Variants in ZNF131 observed in about 807,000 individuals in gnomAD.
The protein encoded by ZNF131 is zinc finger and BTB domain containing 35.
ZNF131 carries 7 observed loss-of-function variants against 60.0 expected under a neutral mutation model. The observed-to-expected ratio is 0.12, with a 90% CI of 0.07 to 0.22. The LOEUF is 0.22. Among genes scored for constraint, ZNF131 ranks in the 10% least tolerant of loss-of-function variants. The pLI, the probability that ZNF131 is intolerant of heterozygous loss-of-function variation, is 1.00. For missense variants in ZNF131, 493 were observed against 740.9 expected (o/e 0.67, Z 3.88); for synonymous variants, 257 against 253.2 (o/e 1.01, Z -0.14).
chr5:43,144,911 A>G (rs1747384257), intron 4 of ZNF131, among the ~76,000 whole-genome samples: 1 of 151,790 alleles, frequency 6.6e-6, no homozygotes, highest in South Asian at 2.1e-4. Context: ...GTGAGAGCCA[A>G]CAACCTGTTC....
At chr5:43,166,554 G>A (rs931043128) in intron 5 of ZNF131, among the ~76,000 whole-genome samples, 1 of 151,908 alleles carries the variant, frequency 6.6e-6, no homozygotes, top group African/African-American at 2.4e-5. Context: ...TAGAGACAGG[G>A]TTTCACCGTG....
At position 43,174,991 on chromosome 5, in the gene ZNF131, G is replaced by A. The variant is rs758920218; in HGVS notation, c.1730G>A (p.Arg577Lys). ...VTPEIMNQEERESSQADAAEA... is the reference protein window; with the variant it reads ...VTPEIMNQEEKESSQADAAEA... ...CCAGAAATCATGAACCAAGAGGAGA[G>A]AGAGTCTAGCCAAGCAGATGCTGCT... is the stretch of plus-strand genomic sequence containing the variant. The change falls in exon 7 of 7, where the codon AGA (arginine) becomes AAA (lysine). Residue 577 changes from arginine (R) to lysine (K), a missense_variant. Physicochemically the swap from Arg to Lys is conservative, Grantham distance 26. Around this residue, in one of 7 missense-constraint regions of ZNF131, gnomAD observed 202 missense variants for 221.3 expected, o/e 0.91. Transcript: ENST00000682664. 1.2e-6 allele frequency: 2 copies of A among 1,614,132 alleles called. No individual in the cohort carries two copies. Among genetic ancestry groups the A allele is most frequent in the South Asian group, 1.1e-5 (1 of 91,082 alleles).
In ZNF131 at chr5:43,148,295, C is replaced by T. The variant is rs535768429; in HGVS notation, c.371+8986C>T. On this transcript the variant is annotated intron_variant, in intron 4 of 6. Transcript: ENST00000682664. ...TTGGGGAGCTGAGGTTTGAGGATTG[C>T]TTGAGCCCAGGAGGTTGAGGCTGCA... 4.1e-4 allele frequency among the ~76,000 whole-genome samples: 62 copies of T among 152,204 alleles called. 2 individuals are homozygous for T. The South Asian group carries it at 0.012, about 30-fold the overall frequency.
intron 3 of ZNF131, among the ~76,000 whole-genome samples, chr5:43,138,443 G>A (rs1746409025): frequency 6.6e-6 from 1 of 152,136 alleles, no homozygotes; most frequent in South Asian, 2.1e-4. Flanking sequence ...ACTTGAGGTC[G>A]GGAGTTTGAG....
intron 3 of ZNF131, among the ~76,000 whole-genome samples, chr5:43,134,693 CTTTTTTTTTTT>C (rs149464238): frequency 3.8e-4 from 34 of 88,414 alleles, no homozygotes; most frequent in East Asian, 1.6e-3. Context: ...TTCTTTTTTT[CTTTTTTTTTTT>C]TTTTTTTTTT....
At chr5:43,129,782 G>A (rs749226531) in intron 3 of ZNF131, among the ~76,000 whole-genome samples, 32 of 152,104 alleles carry the variant, frequency 2.1e-4, no homozygotes, top group African/African-American at 3.1e-4. Context: ...AGCCTCCCCA[G>A]TGGCTGGGAT....
At chr5:43,173,184 G>A (rs1254573907) in intron 5 of ZNF131, 134 bp from the exon 6 acceptor site, 36 of 962,920 alleles carry the variant, frequency 3.7e-5, no homozygotes, top group Non-Finnish European at 5.1e-5. Flanking sequence ...GAAAATATTT[G>A]AATTCTGAAT....
At chr5:43,167,935 G>A (rs1354223151) in intron 5 of ZNF131, 2 of 452,028 alleles carry the variant, frequency 4.4e-6, no homozygotes, top group Non-Finnish European at 8.9e-6. Flanking sequence ...TACAGTTCTG[G>A]ATGCTAAGAA....
intron 4 of ZNF131, among the ~76,000 whole-genome samples, chr5:43,143,888 A>ATTG (rs1235607913): frequency 2.4e-5 from 2 of 84,962 alleles, no homozygotes; most frequent in African/African-American, 9.2e-5. Flanking sequence ...TCTCTGGAAT[A>ATTG]TTGTCAGAGC....
chr5:43,148,290 G>C (rs924550524), intron 4 of ZNF131, among the ~76,000 whole-genome samples: 18 of 152,240 alleles, frequency 1.2e-4, no homozygotes, highest in African/African-American at 4.1e-4. Flanking sequence ...GAGGTTTGAG[G>C]ATTGCTTGAG....
chr5:43,149,996 A>G (rs935008604), intron 4 of ZNF131, among the ~76,000 whole-genome samples: 15 of 152,204 alleles, frequency 9.9e-5, no homozygotes, highest in Non-Finnish European at 1.6e-4. Flanking sequence ...TTGAGTCCAG[A>G]AAAGGGCTTG....
At chr5:43,136,679 G>A (rs1746160620) in intron 3 of ZNF131, among the ~76,000 whole-genome samples, 1 of 137,032 alleles carries the variant, frequency 7.3e-6, no homozygotes, top group Non-Finnish European at 1.5e-5. Context: ...TAGAGACGGA[G>A]TTTCACCATA....
rs974940037 is a variant in ZNF131 at position 43,131,358 on chromosome 5, G to C, written c.227-7807G>C. 2.0e-5 allele frequency among the ~76,000 whole-genome samples: 3 copies of C among 149,036 alleles called. No individual in the cohort carries two copies. The Admixed American group carries it at 2.0e-4, about 10-fold the overall frequency. On this transcript the variant is annotated intron_variant, in intron 3 of 6. Transcript: ENST00000682664. ...CGGCTAATTTTTTGTATTTTTAGGA[G>C]AAATGGGTTTCACCATTTTAGCCAG...
chr5:43,165,656 G>A (rs1262838595), intron 5 of ZNF131, among the ~76,000 whole-genome samples: 4 of 152,190 alleles, frequency 2.6e-5, no homozygotes, highest in African/African-American at 9.7e-5. Flanking sequence ...CTGTAGCCCA[G>A]GCAGAGTACA....
intron 4 of ZNF131, among the ~76,000 whole-genome samples, chr5:43,143,835 T>C (rs909740873): frequency 1.4e-5 from 2 of 146,906 alleles, no homozygotes; most frequent in African/African-American, 2.5e-5. Context: ...AGGTCTTTCC[T>C]GGACATGTAT....
rs1304403699 is a variant in ZNF131, at chr5:43,174,995, G to GTCTA, written c.1735_1738dup (p.Ser580IlefsTer2). On this transcript the variant is annotated frameshift_variant, in exon 7 of 7. Coordinates refer to ENST00000682664, the MANE Select transcript of ZNF131 (RefSeq NM_001330707.2). LOFTEE classifies it high-confidence loss of function. ...AAATCATGAACCAAGAGGAGAGAGA[G>GTCTA]TCTAGCCAAGCAGATGCTGCTGAGG... is the stretch of plus-strand genomic sequence containing the variant. 3.7e-6 allele frequency: 6 copies of GTCTA among 1,614,160 alleles called. No homozygotes were observed. The highest frequency in any genetic ancestry group is 5.1e-6 in the Non-Finnish European group (6 of 1,180,034).
At chr5:43,170,028 G>A (rs2112083879) in intron 5 of ZNF131, among the ~76,000 whole-genome samples, 1 of 152,160 alleles carries the variant, frequency 6.6e-6, no homozygotes, top group South Asian at 2.1e-4. Context: ...CTGACCTTGT[G>A]ATCTGCCTGC....
rs549219126 is a variant in ZNF131, at chr5:43,132,370, T to C, written c.227-6795T>C. Among the ~76,000 whole-genome samples the C allele has an allele frequency of 5.1e-4, 78 of 152,326 alleles. No homozygotes were observed. The South Asian group carries it at 0.016, about 31-fold the overall frequency. On this transcript the variant is annotated intron_variant, in intron 3 of 6. Transcript: ENST00000682664. ...GTCTTTTTATATTTTATGGTGTTTC[T>C]CAATATTCAGATTGCTTTTAGACGT...
At chr5:43,143,935 T>TTTTTTTTTTTTTTTG (rs1747212383) in intron 4 of ZNF131, among the ~76,000 whole-genome samples, 1 of 110,160 alleles carries the variant, frequency 9.1e-6, no homozygotes, top group African/African-American at 3.5e-5. Context: ...TTTTTTTTTT[T>TTTTTTTTTTTTTTTG]TCCTTGAGAC....
Sources: allele counts gnomAD v4.1 joint callset (sites outside exome capture counted in the v4.1 genomes callset), GRCh38; gene constraint gnomAD v4.1.1; regional missense constraint gnomAD v4.1.1; transcripts MANE v1.5; gene names NCBI Gene and HGNC (gene_info 2026-07-23, HGNC 2026-07-21).